Variants in TMEM167A observed in about 807,000 individuals in gnomAD.
TMEM167A encodes the protein protein kish-A.
In TMEM167A, 8 loss-of-function variants were observed where a neutral mutation model predicts 11.6. The observed-to-expected ratio is 0.69, with a 90% confidence interval of 0.40 to 1.24. The LOEUF (loss-of-function observed/expected upper bound fraction) is 1.24. TMEM167A is among the 50% of genes most tolerant of loss of function. The probability of loss-of-function intolerance (pLI) is 0.01; values close to 1 mark genes in which losing one functional copy is unlikely to be tolerated. For synonymous variants in TMEM167A, 22 were observed against 28.0 expected (o/e 0.79, Z 0.67); for missense variants, 62 against 87.0 (o/e 0.71, Z 1.14).
intron 2 of TMEM167A, among the ~76,000 whole-genome samples, chr5:83,062,412 G>C (rs986687632): frequency 3.2e-4 from 48 of 151,970 alleles, no homozygotes; most frequent in African/African-American, 1.1e-3. Flanking sequence ...TTACTTATCT[G>C]TGTCATTTAC....
intron 3 of TMEM167A, among the ~76,000 whole-genome samples, chr5:83,060,329 C>T (rs1228390480): frequency 6.6e-6 from 1 of 151,848 alleles, no homozygotes; most frequent in Admixed American, 6.6e-5. Flanking sequence ...TGTCTAACAG[C>T]TTTATGAAAG....
chr5:83,057,197 C>T, intron 3 of TMEM167A, 43 bp from the exon 4 acceptor site: 1 of 1,561,384 alleles, frequency 6.4e-7, no homozygotes, highest in South Asian at 1.1e-5. Context: ...AACTGAGTGG[C>T]TAACCTGGCT....
In TMEM167A at chr5:83,077,367, C is replaced by T. The variant is rs6898843; in HGVS notation, c.-44G>A. 4.4e-4 allele frequency: 709 copies of T among 1,614,130 alleles called. 2 individuals are homozygous for T. The African/African-American group carries it at 8.1e-3, about 18-fold the overall frequency. ...GCAGCCACATCACCCTTCCGGGGCT[C>T]AGGCGGAAGAGGCTGCATGTCCCGT... On this transcript the variant is annotated 5_prime_UTR_variant, in exon 1 of 4. Coordinates refer to ENST00000502346, the MANE Select transcript of TMEM167A (RefSeq NM_174909.5).
At chr5:83,062,234 A>G (rs1023145843) in intron 2 of TMEM167A, among the ~76,000 whole-genome samples, 2 of 152,214 alleles carry the variant, frequency 1.3e-5, no homozygotes, top group African/African-American at 4.8e-5. Context: ...CTACTTTCAA[A>G]AGCAGAAAAT....
intron 1 of TMEM167A, among the ~76,000 whole-genome samples, chr5:83,072,313 A>G (rs1744573973): frequency 6.6e-6 from 1 of 152,242 alleles, no homozygotes; most frequent in Non-Finnish European, 1.5e-5. Context: ...TCTTTGATAA[A>G]AAGGTTGGAC....
chr5:83,066,348 T>A (rs147705461), intron 1 of TMEM167A, among the ~76,000 whole-genome samples: 12 of 152,266 alleles, frequency 7.9e-5, no homozygotes, highest in African/African-American at 2.6e-4. Flanking sequence ...TTACACAAAA[T>A]TGGTACTTGC....
At chr5:83,064,743 C>T (rs1271913558) in intron 2 of TMEM167A, among the ~76,000 whole-genome samples, 3 of 152,110 alleles carry the variant, frequency 2.0e-5, no homozygotes, top group Non-Finnish European at 4.4e-5. Flanking sequence ...GGACAACTAA[C>T]ATCTATTTTC....
chr5:83,076,568 A>G (rs980666331), intron 1 of TMEM167A, among the ~76,000 whole-genome samples: 4 of 152,234 alleles, frequency 2.6e-5, no homozygotes, highest in Non-Finnish European at 4.4e-5. Context: ...ATTCTGCAGC[A>G]ACTTCTGTGA....
At chr5:83,057,982 C>G (rs1744356142) in intron 3 of TMEM167A, among the ~76,000 whole-genome samples, 1 of 152,080 alleles carries the variant, frequency 6.6e-6, no homozygotes, top group Admixed American at 6.6e-5. Context: ...CATTTCTATG[C>G]TGCCATGAGG....
intron 1 of TMEM167A, among the ~76,000 whole-genome samples, chr5:83,067,815 T>A (rs1744506319): frequency 6.6e-6 from 1 of 152,178 alleles, no homozygotes; most frequent in Non-Finnish European, 1.5e-5. Context: ...TAGATAGTTT[T>A]TAATCTAATT....
chr5:83,064,991 C>A lies in TMEM167A; in HGVS notation c.113+17G>T. The A allele has an allele frequency of 1.4e-6, 2 of 1,455,266 alleles. No homozygotes were observed. The highest frequency in any genetic ancestry group is 1.9e-6 in the Non-Finnish European group (2 of 1,045,932). The allele number at this position is 1,455,266 out of a possible 1,614,324, so 90.1% of individuals were successfully genotyped here. On this transcript the variant is annotated intron_variant, in intron 2 of 3. Transcript: ENST00000502346. ...GTAAGAACTAATTTGGGTGATTAGA[C>A]ATCATTAGTAACATACCCAGTTTTA...
chr5:83,056,834 T>TA lies in TMEM167A; in HGVS notation c.*249dup. The TA allele has an allele frequency of 2.0e-6, 1 of 504,574 alleles. No individual in the cohort carries two copies. Among genetic ancestry groups the TA allele is most frequent in the Non-Finnish European group, 3.5e-6 (1 of 284,858 alleles). 31.3% of individuals were successfully genotyped at this position (504,574 alleles called of 1,614,324 possible). A position where few individuals can be genotyped will look rare whatever the true frequency, so the allele number is the denominator to read the frequency against. ...AAATTTTGTATCTGATACAACAGAA[T>TA]AACATTTGCAGAATGTAATATTGTA... On this transcript the variant is annotated 3_prime_UTR_variant, in exon 4 of 4. Transcript: ENST00000502346.
chr5:83,064,103 G>T (rs920560145), intron 2 of TMEM167A: 2 of 349,636 alleles, frequency 5.7e-6, no homozygotes, highest in East Asian at 8.1e-5. Flanking sequence ...TGCTTAACAC[G>T]TATATAAGTA....
rs1744324706 is a variant in TMEM167A, at chr5:83,055,944, C to T, written c.*1140G>A. The T allele has an allele frequency of 6.6e-6, 1 of 151,922 alleles. No homozygotes were observed. Among genetic ancestry groups the T allele is most frequent in the African/African-American group, 2.4e-5 (1 of 41,378 alleles). The allele number at this position is 151,922 out of a possible 1,614,324, so 9.4% of individuals were successfully genotyped here. A position where few individuals can be genotyped will look rare whatever the true frequency, so the allele number is the denominator to read the frequency against. The stretch of plus-strand genomic sequence containing the variant: ...GTTCCTCGTAGCTCTGAAATTTTAA[C>T]TGAATTTTAGTTGAACCTTAAGAAA... On this transcript the variant is annotated 3_prime_UTR_variant, in exon 4 of 4. Transcript: ENST00000502346.
Position 83,065,119 on chromosome 5 carries a change from T to TAA in TMEM167A, c.4-4_4-3dup. 1 of 1,480,852 alleles carries TAA rather than the reference T, an allele frequency of 6.8e-7. No individual in the cohort carries two copies. The highest frequency in any genetic ancestry group is 1.3e-5 in the South Asian group (1 of 75,852). The allele number at this position is 1,480,852 out of a possible 1,614,324, so 91.7% of individuals were successfully genotyped here. ...ACTCTGAAAATTGAAAATGGCAGAC[T>TAA]AAAAAGAAAAAAAAAAAAGAAAAAT... On this transcript the variant is annotated splice_polypyrimidine_tract_variant and splice_region_variant and intron_variant, in intron 1 of 3. Transcript: ENST00000502346.
chr5:83,066,614 A>T (rs1275678021), intron 1 of TMEM167A, among the ~76,000 whole-genome samples: 1 of 152,246 alleles, frequency 6.6e-6, no homozygotes, highest in Non-Finnish European at 1.5e-5. Context: ...ATCTTAAAAC[A>T]TATGGAAGAA....
rs1438820098 is a variant in TMEM167A at position 83,056,640 on chromosome 5, A to T, written c.*444T>A. 1 of 202,270 alleles carries T rather than the reference A, an allele frequency of 4.9e-6. No homozygotes were observed. Among genetic ancestry groups the T allele is most frequent in the Non-Finnish European group, 9.9e-6 (1 of 101,104 alleles). The allele number at this position is 202,270 out of a possible 1,614,324, so 12.5% of individuals were successfully genotyped here. On this transcript the variant is annotated 3_prime_UTR_variant, in exon 4 of 4. Coordinates refer to ENST00000502346, the MANE Select transcript of TMEM167A (RefSeq NM_174909.5). Reference sequence around the variant, plus strand: ...CCCAGAGGAAAAGCAAGCACTATTAAATATTAATGCAATCCTTATCAACAC... The same window carrying T: ...CCCAGAGGAAAAGCAAGCACTATTATATATTAATGCAATCCTTATCAACAC...
In TMEM167A at chr5:83,053,283, T is replaced by C. The variant is rs1744285025; in HGVS notation, c.*3801A>G. On this transcript the variant is annotated 3_prime_UTR_variant, in exon 4 of 4. Coordinates refer to ENST00000502346, the MANE Select transcript of TMEM167A (RefSeq NM_174909.5). ...TAAGTCCTTGCTTTTTGAGAATTTT[T>C]TTTTGTGCACCCAGGAAATGTAAAT... 6.6e-6 allele frequency: 1 copy of C among 151,962 alleles called. No homozygotes were observed. The highest frequency in any genetic ancestry group is 6.6e-5 in the Admixed American group (1 of 15,222). 9.4% of individuals were successfully genotyped at this position (151,962 alleles called of 1,614,324 possible).
chr5:83,056,757 G>A lies in TMEM167A; in HGVS notation c.*327C>T, dbSNP rs1168771476. The stretch of plus-strand genomic sequence containing the variant: ...TTCCAAATCACAGTGAAAGGAACTT[G>A]AGTAATTAACCAATTTTGTTTTCTA... On this transcript the variant is annotated 3_prime_UTR_variant, in exon 4 of 4. Coordinates refer to ENST00000502346, the MANE Select transcript of TMEM167A (RefSeq NM_174909.5). The A allele has an allele frequency of 2.4e-5, 7 of 290,850 alleles. No individual in the cohort carries two copies. The highest frequency in any genetic ancestry group is 3.9e-5 in the Non-Finnish European group (6 of 155,382). The allele number at this position is 290,850 out of a possible 1,614,324, so 18.0% of individuals were successfully genotyped here.
Sources: allele counts gnomAD v4.1 joint callset (sites outside exome capture counted in the v4.1 genomes callset), GRCh38; gene constraint gnomAD v4.1.1; transcripts MANE v1.5; gene names NCBI Gene and HGNC (gene_info 2026-07-23, HGNC 2026-07-21).